NAV2: variants seen among roughly 807,000 people sequenced by gnomAD.
The protein encoded by NAV2 is neuron navigator 2, also known as helicase, APC down-regulated 1.
A neutral mutation model predicts 223.2 loss-of-function variants in NAV2; 54 were observed. The ratio of observed to expected loss-of-function variants is 0.24; its 90% CI spans 0.19 to 0.30. The LOEUF (loss-of-function observed/expected upper bound fraction) is 0.30. NAV2 is among the 10% of genes least tolerant of loss of function. The probability of loss-of-function intolerance (pLI) is 1.00; values close to 1 mark genes in which losing one functional copy is unlikely to be tolerated. For synonymous variants in NAV2, 1,279 were observed against 1,239.3 expected (o/e 1.03, Z -0.67); for missense variants, 2,806 against 3,147.5 (o/e 0.89, Z 2.60).
At chr11:19,507,882 G>A (rs1590360710) in intron 1 of NAV2, among the ~76,000 whole-genome samples, 1 of 152,128 alleles carries the variant, frequency 6.6e-6, no homozygotes, top group Non-Finnish European at 1.5e-5. Context: ...TTTGCCTGAG[G>A]TCACACAGCT....
intron 1 of NAV2, among the ~76,000 whole-genome samples, chr11:19,827,067 G>A (rs1009321005): frequency 6.6e-6 from 1 of 152,172 alleles, no homozygotes. Flanking sequence ...ACAGGCATTG[G>A]AATTAAGCTG....
At chr11:19,590,484 C>T (rs1317503299) in intron 1 of NAV2, among the ~76,000 whole-genome samples, 3 of 152,126 alleles carry the variant, frequency 2.0e-5, no homozygotes, top group Admixed American at 6.6e-5. Flanking sequence ...TCCAGGAAAC[C>T]CAGATTAAAA....
chr11:19,365,531 G>A (rs1194791042), intron 1 of NAV2, among the ~76,000 whole-genome samples: 1 of 152,166 alleles, frequency 6.6e-6, no homozygotes, highest in African/African-American at 2.4e-5. Flanking sequence ...GATCAAATGA[G>A]AAAATACAAG....
chr11:19,762,904 G>T (rs879674562), intron 1 of NAV2, among the ~76,000 whole-genome samples: 2 of 152,060 alleles, frequency 1.3e-5, no homozygotes, highest in Non-Finnish European at 2.9e-5. Context: ...GAGCCACTAC[G>T]CCCAGCCAGG....
chr11:20,044,899 A>C, intron 13 of NAV2, 69 bp from the exon 14 acceptor site: 1 of 1,333,330 alleles, frequency 7.5e-7, no homozygotes, highest in Non-Finnish European at 1.0e-6. Context: ...GGAGGAGAGC[A>C]TCTTAAACAG....
intron 1 of NAV2, among the ~76,000 whole-genome samples, chr11:19,490,608 T>G (rs1461077206): frequency 6.6e-6 from 1 of 152,220 alleles, no homozygotes; most frequent in Non-Finnish European, 1.5e-5. Context: ...ATTCTAGTTC[T>G]CTTGCTATTT....
intron 1 of NAV2, among the ~76,000 whole-genome samples, chr11:19,733,578 T>A (rs765112111): frequency 6.6e-6 from 1 of 152,202 alleles, no homozygotes; most frequent in Non-Finnish European, 1.5e-5. Flanking sequence ...CTTGATAACA[T>A]GGGACTGAGA....
intron 1 of NAV2, among the ~76,000 whole-genome samples, chr11:19,750,319 A>C (rs1011302829): frequency 6.6e-6 from 1 of 152,220 alleles, no homozygotes; most frequent in Non-Finnish European, 1.5e-5. Context: ...CTGAAAATCT[A>C]TCAGTCCCAA....
At chr11:20,083,255 G>A in intron 26 of NAV2, 76 bp downstream of exon 26, 2 of 1,201,830 alleles carry the variant, frequency 1.7e-6, no homozygotes, top group Non-Finnish European at 2.4e-6. Context: ...TAGGAGTCCT[G>A]TTATGACACA....
At chr11:19,857,416 A>T (rs1312199727) in intron 3 of NAV2, among the ~76,000 whole-genome samples, 1 of 152,232 alleles carries the variant, frequency 6.6e-6, no homozygotes, top group Non-Finnish European at 1.5e-5. Context: ...GTGATTGTTT[A>T]CTTAAAGTCA....
At chr11:19,595,381 G>C (rs987409049) in intron 1 of NAV2, among the ~76,000 whole-genome samples, 1 of 152,124 alleles carries the variant, frequency 6.6e-6, no homozygotes, top group African/African-American at 2.4e-5. Context: ...TGCTAGCAGT[G>C]TCTGCTACAC....
At chr11:19,811,178 C>T (rs914950109) in intron 1 of NAV2, among the ~76,000 whole-genome samples, 42 of 152,274 alleles carry the variant, frequency 2.8e-4, no homozygotes, top group Admixed American at 1.7e-3. Flanking sequence ...GAATCAGGTC[C>T]GGCTGACATC....
In NAV2 at chr11:19,545,056, G is replaced by C. The variant is rs560398476; in HGVS notation, c.75+194029G>C. ...CAAAGCAAATGTACATTGGAGTTGA[G>C]CAGTTGCCTTAATCAAAGACCCTTT... On this transcript the variant is annotated intron_variant, in intron 1 of 37. Transcript: ENST00000360655. Among the ~76,000 whole-genome samples, 11 of 152,320 alleles carry C rather than the reference G, an allele frequency of 7.2e-5. No homozygotes were observed. In the South Asian group the frequency reaches 2.3e-3, roughly 32 times the overall value.
chr11:19,831,223 C>T (rs1468364618), intron 1 of NAV2, among the ~76,000 whole-genome samples: 12 of 862 alleles, frequency 0.014, no homozygotes, highest in African/African-American at 0.04. Flanking sequence ...AGGAGTGTTG[C>T]GGGGGGGGGG....
At chr11:19,972,509 C>G (rs2252169) in intron 10 of NAV2, among the ~76,000 whole-genome samples, 185 of 152,310 alleles carry the variant, frequency 1.2e-3, no homozygotes, top group African/African-American at 4.2e-3. Context: ...AGAATAATCA[C>G]TGTCTTGATG....
In NAV2 at chr11:19,892,626, A is replaced by G. The variant is rs766665073; in HGVS notation, c.931+32A>G. ...CACCTTCTTGAGGAGCCTTTTTGGT[A>G]TTTTCCTTCAGAGCACATCTACCTA... On this transcript the variant is annotated intron_variant, in intron 6 of 37. Coordinates refer to ENST00000349880, the MANE Select transcript of NAV2 (RefSeq NM_145117.5). The G allele has an allele frequency of 1.1e-5, 18 of 1,607,436 alleles. No individual in the cohort carries two copies. In the Admixed American group the frequency reaches 3.0e-4, roughly 27 times the overall value.
rs185962539 is a variant in NAV2 at position 20,095,917 on chromosome 11, G to A, written c.6012+150G>A. 8.4e-4 allele frequency: 573 copies of A among 681,198 alleles called. 1 individual carries two copies. The African/African-American group carries it at 9.0e-3, about 11-fold the overall frequency. 42.2% of individuals were successfully genotyped at this position (681,198 alleles called of 1,614,324 possible). A position where few individuals can be genotyped will look rare whatever the true frequency, so the allele number is the denominator to read the frequency against. On this transcript the variant is annotated intron_variant, in intron 30 of 37. Transcript: ENST00000349880. ...TAATGTTGCTGGAACTTGTTCCCTGGCTCTCAAGGGAATGGAAGGACAATG... is the reference window on the plus strand; with the variant it reads ...TAATGTTGCTGGAACTTGTTCCCTGACTCTCAAGGGAATGGAAGGACAATG...
intron 11 of NAV2, among the ~76,000 whole-genome samples, chr11:20,023,694 T>TACTG (rs1345271732): frequency 8.4e-4 from 78 of 92,544 alleles, no homozygotes; most frequent in African/African-American, 4.0e-3. Context: ...TACAGCAAAT[T>TACTG]GCTGGGTGTG....
chr11:19,796,332 C>T (rs1231078822), intron 1 of NAV2, among the ~76,000 whole-genome samples: 1 of 152,180 alleles, frequency 6.6e-6, no homozygotes, highest in Non-Finnish European at 1.5e-5. Context: ...AGAGGGCCCT[C>T]TGCCTCAATC....
Sources: gnomAD v4.1 joint callset for allele counts (sites outside exome capture counted in the v4.1 genomes callset) on GRCh38, gnomAD v4.1.1 for gene constraint, MANE v1.5 for transcripts, NCBI Gene and HGNC (gene_info 2026-07-23, HGNC 2026-07-21) for gene names.